The following PLEKHA8 variants were observed in gnomAD, a reference collection of about 807,000 sequenced individuals.
PLEKHA8 encodes the protein pleckstrin homology domain containing A8, also known as pleckstrin homology domain-containing family A member 8.
Under a neutral mutation model 68.2 loss-of-function variants are expected in PLEKHA8, and 36 were observed. That is an observed-to-expected ratio of 0.53 (90% CI 0.40 to 0.70). PLEKHA8 has a LOEUF of 0.70. Ranked by LOEUF, PLEKHA8 falls within the 30% of genes least tolerant of loss-of-function variation. The probability of loss-of-function intolerance (pLI) is 0.00; values close to 1 mark genes in which losing one functional copy is unlikely to be tolerated. For synonymous variants in PLEKHA8, 211 were observed against 216.1 expected, an observed-to-expected ratio of 0.98 and a Z score of 0.20; for missense variants, 505 against 615.4, an observed-to-expected ratio of 0.82 and a Z score of 1.90.
At chr7:30,124,810 CAAAT>C (rs1166205390) in intron 13 of PLEKHA8, among the ~76,000 whole-genome samples, 3 of 151,828 alleles carry the variant, frequency 2.0e-5, no homozygotes, top group East Asian at 1.9e-4. Context: ...TTTTGTGACT[CAAAT>C]AAGTAATAAA....
intron 13 of PLEKHA8, among the ~76,000 whole-genome samples, chr7:30,102,218 A>G (rs1583470591): frequency 6.6e-6 from 1 of 152,360 alleles, no homozygotes; most frequent in African/African-American, 2.4e-5. Flanking sequence ...AATTAGAACA[A>G]CAAGGAGATA....
intron 11 of PLEKHA8, 54 bp from the exon 12 acceptor site, chr7:30,062,618 C>T (rs1793527970): frequency 2.3e-6 from 3 of 1,302,696 alleles, no homozygotes; most frequent in Non-Finnish European, 3.3e-6. Flanking sequence ...TCTTTATACC[C>T]ACTCAACATA....
intron 9 of PLEKHA8, among the ~76,000 whole-genome samples, chr7:30,057,198 C>T (rs1273553108): frequency 6.6e-6 from 1 of 152,014 alleles, no homozygotes; most frequent in African/African-American, 2.4e-5. Context: ...TTCCCTGTGT[C>T]ACTCAGCCTG....
downstream of PLEKHA8, among the ~76,000 whole-genome samples, chr7:30,087,326 G>A (rs930700292): frequency 1.3e-5 from 2 of 152,046 alleles, no homozygotes; most frequent in African/African-American, 4.8e-5. Context: ...CTGGCTCTCT[G>A]CTCTCCTCCC....
intron 6 of PLEKHA8, among the ~76,000 whole-genome samples, chr7:30,052,060 C>T (rs993561565): frequency 6.6e-6 from 1 of 152,116 alleles, no homozygotes; most frequent in Admixed American, 6.5e-5. Context: ...AGAAGCCCCC[C>T]AGGGAGAAGT....
chr7:30,101,103 T>A (rs1323019251), intron 13 of PLEKHA8, among the ~76,000 whole-genome samples: 1 of 150,668 alleles, frequency 6.6e-6, no homozygotes, highest in Non-Finnish European at 1.5e-5. Context: ...GGCAGAAGAA[T>A]GGCTTGAACC....
chr7:30,101,272 G>A (rs1387131934), intron 13 of PLEKHA8, among the ~76,000 whole-genome samples: 1 of 152,128 alleles, frequency 6.6e-6, no homozygotes, highest in African/African-American at 2.4e-5. Context: ...GAAAGACAAT[G>A]CTGTTTAAGA....
Position 30,062,003 on chromosome 7 carries a change from C to A in PLEKHA8, c.1205C>A (p.Thr402Asn). 1.2e-6 allele frequency: 2 copies of A among 1,613,664 alleles called. No individual in the cohort carries two copies. Among genetic ancestry groups the A allele is most frequent in the Non-Finnish European group, 8.5e-7 (1 of 1,179,832 alleles). Residue 402 changes from threonine to asparagine, a missense_variant, in exon 11 of 14, where the codon ACT becomes AAT. Transcript: ENST00000449726. ...GTAGCCCAGGTTAGGAACTCAGCGA[C>A]TGAAGCCCTCTTGTGGCTGAAGAGG... ...ADVAQVRNSA[T>N]EALLWLKRGL...
chr7:30,110,848 A>C (rs1306837333), intron 13 of PLEKHA8, among the ~76,000 whole-genome samples: 2 of 151,446 alleles, frequency 1.3e-5, no homozygotes, highest in African/African-American at 4.8e-5. Context: ...ATCTTCTTTA[A>C]AGAAATATCT....
In PLEKHA8 at chr7:30,056,312, C is replaced by CTCTCTCTCTCTCTATA. The variant is rs796845171; in HGVS notation, c.1039+971_1039+972insCTCTCTCTCTCTATAT. Among the ~76,000 whole-genome samples the CTCTCTCTCTCTCTATA allele has an allele frequency of 2.6e-3, 243 of 94,528 alleles. 8 individuals are homozygous for CTCTCTCTCTCTCTATA. The highest frequency in any genetic ancestry group is 3.8e-3 in the South Asian group (10 of 2,602). The allele number at this position is 94,528 out of a possible 152,430, so 62.0% of individuals were successfully genotyped here. On this transcript the variant is annotated intron_variant, in intron 9 of 13. Transcript: ENST00000449726. The stretch of plus-strand genomic sequence containing the variant: ...TCTCTCTCTCTCTCTCTCTCTCTCT[C>CTCTCTCTCTCTCTATA]TATATATATATATATATATAAATAA...
At chr7:30,110,334 A>G (rs1394393782) in intron 13 of PLEKHA8, among the ~76,000 whole-genome samples, 1 of 152,210 alleles carries the variant, frequency 6.6e-6, no homozygotes, top group Non-Finnish European at 1.5e-5. Context: ...TCCATAGTGT[A>G]GTATTTATTA....
chr7:30,116,491 G>A (rs920705831), intron 13 of PLEKHA8, among the ~76,000 whole-genome samples: 3 of 152,082 alleles, frequency 2.0e-5, no homozygotes, highest in African/African-American at 7.2e-5. Flanking sequence ...AAGGATAAAT[G>A]AGGGGCATCT....
chr7:30,122,063 T>C (rs577090709), intron 13 of PLEKHA8, among the ~76,000 whole-genome samples: 2 of 152,334 alleles, frequency 1.3e-5, no homozygotes, highest in Non-Finnish European at 2.9e-5. Context: ...GAGCTATGAC[T>C]AAAGAAATGA....
chr7:30,092,079 A>G (rs1199391481), downstream of PLEKHA8, among the ~76,000 whole-genome samples: 1 of 152,192 alleles, frequency 6.6e-6, no homozygotes, highest in Non-Finnish European at 1.5e-5. Context: ...AGACTTTTAT[A>G]AAATCCCAAA....
intron 5 of PLEKHA8, 159 bp downstream of exon 5, chr7:30,049,541 T>C: frequency 1.1e-6 from 1 of 875,590 alleles, no homozygotes; most frequent in Non-Finnish European, 1.7e-6. Flanking sequence ...CAGCACCCCA[T>C]ATCCAGTCAG....
At chr7:30,116,305 TAC>T (rs766358578) in intron 13 of PLEKHA8, among the ~76,000 whole-genome samples, 6 of 151,828 alleles carry the variant, frequency 4.0e-5, no homozygotes, top group African/African-American at 7.3e-5. Flanking sequence ...CATACATGTA[TAC>T]ATATATACAT....
At chr7:30,070,630 T>A (rs1192188159) in intron 12 of PLEKHA8, among the ~76,000 whole-genome samples, 2 of 149,002 alleles carry the variant, frequency 1.3e-5, no homozygotes, top group Non-Finnish European at 3.0e-5. Flanking sequence ...CACTGCAACC[T>A]CTGCCTCCCA....
At chr7:30,029,822 G>T (rs1790518829) in intron 1 of PLEKHA8, among the ~76,000 whole-genome samples, 2 of 152,216 alleles carry the variant, frequency 1.3e-5, no homozygotes, top group South Asian at 4.1e-4. Flanking sequence ...ATGGGTGTGT[G>T]TGGGAGGATC....
In PLEKHA8 at chr7:30,062,135, A is replaced by C. The variant is rs577758715; in HGVS notation, c.1229+108A>C. The C allele has an allele frequency of 7.4e-6, 10 of 1,355,532 alleles. No homozygotes were observed. The African/African-American group carries it at 1.5e-4, about 20-fold the overall frequency. The allele number at this position is 1,355,532 out of a possible 1,614,324, so 84.0% of individuals were successfully genotyped here. Reference sequence around the variant, plus strand: ...TACTTCTGAGTGAAGGATCTAGTTGAATTGTGTAGCCTTTTCTAGAAGGCC... The same window carrying C: ...TACTTCTGAGTGAAGGATCTAGTTGCATTGTGTAGCCTTTTCTAGAAGGCC... On this transcript the variant is annotated intron_variant, in intron 11 of 13. Coordinates refer to ENST00000449726, the MANE Select transcript of PLEKHA8 (RefSeq NM_001197026.2).
Sources: gnomAD v4.1 joint callset for allele counts (sites outside exome capture counted in the v4.1 genomes callset) on GRCh38, gnomAD v4.1.1 for gene constraint, MANE v1.5 for transcripts, NCBI Gene and HGNC (gene_info 2026-07-23, HGNC 2026-07-21) for gene names.